Variants in IMPA1 observed in about 807,000 individuals in gnomAD.
IMPA1 encodes inositol monophosphatase 1, also known as D-galactose 1-phosphate phosphatase.
IMPA1 carries 21 observed loss-of-function variants against 34.9 expected under a neutral mutation model. That is an observed-to-expected ratio of 0.60 (90% CI 0.43 to 0.87). IMPA1 has a LOEUF of 0.87. Ranked by LOEUF, IMPA1 falls within the 40% of genes least tolerant of loss-of-function variation. The probability of loss-of-function intolerance (pLI) is 0.00; values close to 1 mark genes in which losing one functional copy is unlikely to be tolerated. For synonymous variants in IMPA1, 95 were observed against 104.4 expected, an observed-to-expected ratio of 0.91 and a Z score of 0.55; for missense variants, 299 against 336.4, an observed-to-expected ratio of 0.89 and a Z score of 0.87.
At chr8:81,680,808 A>C in intron 2 of IMPA1, 25 bp from the exon 3 acceptor site, 1 of 1,535,100 alleles carries the variant, frequency 6.5e-7, no homozygotes, top group Non-Finnish European at 8.9e-7. Flanking sequence ...TGGTAAGCAA[A>C]TAGAAAAGGC....
rs1257682306 is a variant in IMPA1 at position 81,676,208 on chromosome 8, TCA to T, written c.348+24_348+25del. ...CAGAAAATGAGAGCAAGGCATATAATCAACTATACGTTTAAAAAATCATACCT... is the reference window on the plus strand; with the variant it reads ...CAGAAAATGAGAGCAAGGCATATAATACTATACGTTTAAAAAATCATACCT... On this transcript the variant is annotated intron_variant, in intron 5 of 8. Coordinates refer to ENST00000256108, the MANE Select transcript of IMPA1 (RefSeq NM_005536.4). 8 of 1,082,020 alleles carry T rather than the reference TCA, an allele frequency of 7.4e-6. 1 individual carries two copies. The Middle Eastern group carries it at 1.3e-3, about 171-fold the overall frequency. 67.0% of individuals were successfully genotyped at this position (1,082,020 alleles called of 1,614,324 possible). A position where few individuals can be genotyped will look rare whatever the true frequency, so the allele number is the denominator to read the frequency against.
At chr8:81,660,689 T>G in intron 7 of IMPA1, 22 bp from the exon 8 acceptor site, 3 of 1,571,996 alleles carry the variant, frequency 1.9e-6, no homozygotes, top group Non-Finnish European at 2.6e-6. Context: ...AATTTAGAAA[T>G]AAAATTGGAA....
intron 4 of IMPA1, 63 bp downstream of exon 4, chr8:81,679,063 G>A (rs1807215229): frequency 1.0e-6 from 1 of 1,000,296 alleles, no homozygotes; most frequent in African/African-American, 1.6e-5. Context: ...CCTAAATAGA[G>A]TATCTATAGG....
intron 1 of IMPA1, chr8:81,685,716 T>C (rs1027080436): frequency 9.2e-7 from 1 of 1,088,662 alleles, no homozygotes; most frequent in Admixed American, 3.5e-5. Flanking sequence ...TATATATATA[T>C]AAATCACAGT....
In IMPA1 at chr8:81,666,023, A is replaced by C. The variant is rs144624983; in HGVS notation, c.566+4916T>G. On this transcript the variant is annotated intron_variant, in intron 7 of 8. Coordinates refer to ENST00000256108, the MANE Select transcript of IMPA1 (RefSeq NM_005536.4). ...CACAAAAGGACTGTGAGCATTTTAT[A>C]ATGTTAAATGAAGAACTAGGATCAA... 1.6e-3 allele frequency among the ~76,000 whole-genome samples: 243 copies of C among 152,308 alleles called. 6 individuals are homozygous for C. In the East Asian group the frequency reaches 0.042, roughly 27 times the overall value.
At chr8:81,674,052 G>A in intron 5 of IMPA1, 103 bp from the exon 6 acceptor site, 1 of 685,184 alleles carries the variant, frequency 1.5e-6, no homozygotes, top group Non-Finnish European at 2.6e-6. Flanking sequence ...AGTAACAATG[G>A]ACTGAAATGG....
At chr8:81,676,180 T>C (rs1398061891) in intron 5 of IMPA1, 54 bp downstream of exon 5, 2 of 755,016 alleles carry the variant, frequency 2.6e-6, no homozygotes, top group Non-Finnish European at 4.1e-6. Flanking sequence ...ATTTACTTTT[T>C]CTCAGAAAAT....
intron 6 of IMPA1, among the ~76,000 whole-genome samples, chr8:81,672,763 C>T (rs1729940495): frequency 6.6e-6 from 1 of 152,156 alleles, no homozygotes; most frequent in Non-Finnish European, 1.5e-5. Context: ...ACTTAAATTG[C>T]CATTCAGCTT....
At position 81,671,826 on chromosome 8, in the gene IMPA1, G is replaced by A. The variant is rs576166297; in HGVS notation, c.458-779C>T. Among the ~76,000 whole-genome samples, 8 of 152,270 alleles carry A rather than the reference G, an allele frequency of 5.3e-5. No homozygotes were observed. The South Asian group carries it at 1.7e-3, about 32-fold the overall frequency. Reference sequence around the variant, plus strand: ...GCAGGAGAATAGCTTAAACCCGGGAGGCGGAGGTTGCAGTGATCCGAGATC... The same window carrying A: ...GCAGGAGAATAGCTTAAACCCGGGAAGCGGAGGTTGCAGTGATCCGAGATC... On this transcript the variant is annotated intron_variant, in intron 6 of 8. Transcript: ENST00000256108.
rs34432369 is a variant in IMPA1, at chr8:81,684,097, C to CTATATA, written c.-25+2149_-25+2154dup. Among the ~76,000 whole-genome samples, 20 of 137,630 alleles carry CTATATA rather than the reference C, an allele frequency of 1.5e-4. No individual in the cohort carries two copies. The East Asian group carries it at 2.1e-3, about 14-fold the overall frequency. 90.3% of individuals were successfully genotyped at this position (137,630 alleles called of 152,430 possible). On this transcript the variant is annotated intron_variant, in intron 1 of 8. Coordinates refer to ENST00000256108, the MANE Select transcript of IMPA1 (RefSeq NM_005536.4). The stretch of plus-strand genomic sequence containing the variant: ...ATGAGCCAGGAATGGTGGATGCAAA[C>CTATATA]TATATATATATATATATACACACAC...
At chr8:81,668,322 C>T (rs576044387) in intron 7 of IMPA1, among the ~76,000 whole-genome samples, 124 of 152,322 alleles carry the variant, frequency 8.1e-4, no homozygotes, top group African/African-American at 2.9e-3. Flanking sequence ...CAGTGGCTCA[C>T]ACCTATAATG....
At position 81,657,907 on chromosome 8, in the gene IMPA1, G is replaced by T. The variant is rs1429786242; in HGVS notation, c.*1444C>A. On this transcript the variant is annotated 3_prime_UTR_variant, in exon 9 of 9. Coordinates refer to ENST00000256108, the MANE Select transcript of IMPA1 (RefSeq NM_005536.4). ...ACCCTGGGCAACAGAGCGAGACCCT[G>T]AATCTAAAAATAATAATAATGATAA... The T allele has an allele frequency of 6.6e-6, 1 of 151,522 alleles. No individual in the cohort carries two copies. Among genetic ancestry groups the T allele is most frequent in the Non-Finnish European group, 1.5e-5 (1 of 67,870 alleles). The allele number at this position is 151,522 out of a possible 1,614,324, so 9.4% of individuals were successfully genotyped here.
At chr8:81,682,738 A>AC (rs1807337049) in intron 1 of IMPA1, among the ~76,000 whole-genome samples, 1 of 151,460 alleles carries the variant, frequency 6.6e-6, no homozygotes, top group South Asian at 2.1e-4. Flanking sequence ...AGCCACTCAC[A>AC]CCCCCGCCTT....
At chr8:81,667,828 T>C (rs1220845179) in intron 7 of IMPA1, among the ~76,000 whole-genome samples, 2 of 146,252 alleles carry the variant, frequency 1.4e-5, no homozygotes, top group Non-Finnish European at 3.0e-5. Flanking sequence ...AAGGGTTTCT[T>C]TTTTTTTTTT....
intron 5 of IMPA1, 31 bp from the exon 6 acceptor site, chr8:81,673,980 A>T: frequency 7.5e-7 from 1 of 1,329,626 alleles, no homozygotes; most frequent in Non-Finnish European, 1.1e-6. Flanking sequence ...CCTTTACCAA[A>T]CCTAAGTATG....
intron 5 of IMPA1, among the ~76,000 whole-genome samples, chr8:81,675,511 T>C (rs541936666): frequency 5.9e-5 from 9 of 152,328 alleles, no homozygotes; most frequent in African/African-American, 2.2e-4. Context: ...TGAAAGCTCA[T>C]GTAGCTTCTT....
intron 4 of IMPA1, among the ~76,000 whole-genome samples, chr8:81,678,190 C>A (rs557408517): frequency 7.9e-4 from 120 of 151,102 alleles, no homozygotes; most frequent in African/African-American, 2.9e-3. Flanking sequence ...TTTTTGCCGG[C>A]CCCAGCCCCA....
In IMPA1 at chr8:81,670,942, T is replaced by A. The variant is rs145775263; in HGVS notation, c.563A>T (p.His188Leu). The change falls in exon 7 of 9, where the codon CAT becomes CTT. Residue 188 changes from histidine (H) to leucine (L), a missense_variant. Coordinates refer to ENST00000256108, the MANE Select transcript of IMPA1 (RefSeq NM_005536.4). ...NMEKLFCIPV[H>L]GIRSVGTAAV... ...AGAATAATGGTAAAGAGCTTACCCATGAACAGGAATGCAAAAAAGCTTTTC... is the reference window on the plus strand; with the variant it reads ...AGAATAATGGTAAAGAGCTTACCCAAGAACAGGAATGCAAAAAAGCTTTTC... 6.8e-7 allele frequency: 1 copy of A among 1,477,060 alleles called. No homozygotes were observed. Among genetic ancestry groups the A allele is most frequent in the Non-Finnish European group, 9.1e-7 (1 of 1,096,126 alleles). 91.5% of individuals were successfully genotyped at this position (1,477,060 alleles called of 1,614,324 possible). A position where few individuals can be genotyped will look rare whatever the true frequency, so the allele number is the denominator to read the frequency against.
chr8:81,659,592 C>G (rs1201073448), intron 8 of IMPA1, 126 bp from the exon 9 acceptor site: 2 of 618,994 alleles, frequency 3.2e-6, no homozygotes, highest in South Asian at 2.0e-5. Flanking sequence ...AAACAAAAAT[C>G]TACTGTTACA....
Sources: gnomAD v4.1 joint callset for allele counts (sites outside exome capture counted in the v4.1 genomes callset) on GRCh38, gnomAD v4.1.1 for gene constraint, MANE v1.5 for transcripts, NCBI Gene and HGNC (gene_info 2026-07-23, HGNC 2026-07-21) for gene names.